ZFP28: variants seen among roughly 807,000 people sequenced by gnomAD.
ZFP28 encodes ZFP28 zinc finger protein.
Under a neutral mutation model 39.5 loss-of-function variants are expected in ZFP28, and 31 were observed. The ratio of observed to expected loss-of-function variants is 0.79; its 90% CI spans 0.59 to 1.06. The LOEUF is 1.06. Among genes scored for constraint, ZFP28 ranks in the 50% least tolerant of loss-of-function variants. The pLI is 0.00. For synonymous variants in ZFP28, 400 were observed against 378.6 expected, an observed-to-expected ratio of 1.06 and a Z score of -0.66; for missense variants, 925 against 1,048.4, an observed-to-expected ratio of 0.88 and a Z score of 1.63.
Position 56,550,546 on chromosome 19 carries a change from T to C in ZFP28, c.839T>C (p.Leu280Pro), listed in dbSNP as rs759823881. The C allele has an allele frequency of 3.5e-5, 56 of 1,614,006 alleles. No homozygotes were observed. Among genetic ancestry groups the C allele is most frequent in the East Asian group, 1.1e-4 (5 of 44,898 alleles). ...CVAKPDLVSL[L>P]EQEKEPWMVK... ...GCTAAGCCAGATTTAGTCTCTTTAC[T>C]AGAGCAAGAGAAGGAGCCCTGGATG... The change falls in exon 7 of 8, where the codon CTA becomes CCA. Residue 280 changes from leucine to proline, a missense_variant. Leu to Pro is a moderately conservative substitution (Grantham distance 98). Transcript: ENST00000301318.
At chr19:56,539,407 G>T (rs2044173661) in intron 1 of ZFP28, among the ~76,000 whole-genome samples, 181 bp downstream of exon 1, 1 of 152,186 alleles carries the variant, frequency 6.6e-6, no homozygotes, top group South Asian at 2.1e-4. Flanking sequence ...GCAGCAAGCC[G>T]CGGTAAAAGG....
intron 7 of ZFP28, chr19:56,551,135 T>C: frequency 2.0e-6 from 2 of 1,010,476 alleles, no homozygotes; most frequent in Non-Finnish European, 1.2e-6. Flanking sequence ...GAATTTCAAA[T>C]AGGGCATTAT....
chr19:56,549,872 T>A (rs1251412372), intron 5 of ZFP28, among the ~76,000 whole-genome samples, 195 bp from the exon 6 acceptor site: 1 of 152,224 alleles, frequency 6.6e-6, no homozygotes, highest in Non-Finnish European at 1.5e-5. Context: ...AAGTTTCTCC[T>A]ATTTTTCTGT....
Position 56,555,028 on chromosome 19 carries a change from G to A in ZFP28, c.2243G>A (p.Arg748His), listed in dbSNP as rs139300625. The A allele has an allele frequency of 2.4e-5, 39 of 1,613,956 alleles. No homozygotes were observed. Among genetic ancestry groups the A allele is most frequent in the African/African-American group, 4.0e-5 (3 of 74,914 alleles). The stretch of plus-strand genomic sequence containing the variant: ...ACAAAATCCTCCCTTATTTGTCATC[G>A]CAGAAGTCATACTGGAGAAAAACCT... ...FKTKSSLICHRRSHTGEKPYE... is the reference protein window; with the variant it reads ...FKTKSSLICHHRSHTGEKPYE... Residue 748 changes from arginine (R) to histidine (H), a missense_variant, in exon 8 of 8, where the codon CGC becomes CAC. Transcript: ENST00000301318.
rs2044172042 is a variant in ZFP28, at chr19:56,539,285, A to G, written c.208+59A>G. The G allele has an allele frequency of 2.7e-6, 4 of 1,498,976 alleles. No individual in the cohort carries two copies. In the Admixed American group the frequency reaches 8.2e-5, roughly 31 times the overall value. The allele number at this position is 1,498,976 out of a possible 1,614,324, so 92.9% of individuals were successfully genotyped here. On this transcript the variant is annotated intron_variant, in intron 1 of 7. Coordinates refer to ENST00000301318, the MANE Select transcript of ZFP28 (RefSeq NM_020828.2). ...AGGGACGAATTCATCTCGGGATGAG[A>G]TCTGGGAGGGGGTTGGGCTCTCGGG...
Position 56,549,973 on chromosome 19 carries a change from G to GTGGACATA in ZFP28, c.688-94_688-93insTGGACATA, listed in dbSNP as rs2044280930. The GTGGACATA allele has an allele frequency of 3.4e-6, 3 of 885,900 alleles. No homozygotes were observed. In the East Asian group the frequency reaches 8.0e-5, roughly 24 times the overall value. 54.9% of individuals were successfully genotyped at this position (885,900 alleles called of 1,614,324 possible). A position where few individuals can be genotyped will look rare whatever the true frequency, so the allele number is the denominator to read the frequency against. On this transcript the variant is annotated intron_variant, in intron 5 of 7. Transcript: ENST00000301318. ...TAAGTTGCAGTTCTTGGTATGGAGT[G>GTGGACATA]CCTTTTTTGCAGTGTGGACACAGTC...
At chr19:56,541,641 T>A (rs2044195988) in intron 2 of ZFP28, among the ~76,000 whole-genome samples, 1 of 152,080 alleles carries the variant, frequency 6.6e-6, no homozygotes, top group Non-Finnish European at 1.5e-5. Flanking sequence ...TTCTGAAAAA[T>A]CGCCTTCTCA....
chr19:56,554,188 G>T lies in ZFP28; in HGVS notation c.1403G>T (p.Arg468Ile), dbSNP rs761976683. The T allele has an allele frequency of 2.5e-6, 4 of 1,614,168 alleles. No individual in the cohort carries two copies. Among genetic ancestry groups the T allele is most frequent in the Admixed American group, 3.3e-5 (2 of 60,022 alleles). ...SDGSSFARHQ[R>I]CHTGKKPYEC... ...GGCTCATCCTTTGCCCGACACCAGA[G>T]ATGTCACACTGGCAAGAAGCCCTAT... is the stretch of plus-strand genomic sequence containing the variant. Residue 468 changes from arginine to isoleucine, a missense_variant, in exon 8 of 8, where the codon AGA becomes ATA. By Grantham distance (97) the Arg-to-Ile change is moderately conservative. This residue lies in a region of ZFP28 where 369 missense variants were observed against 505.5 expected (regional missense o/e 0.73). Transcript: ENST00000301318. The surrounding 1 kb of genome is among the most constrained non-coding windows in gnomAD (Gnocchi z 6.7).
chr19:56,554,519 A>T lies in ZFP28; in HGVS notation c.1734A>T (p.Gln578His). 6.2e-7 allele frequency: 1 copy of T among 1,614,242 alleles called. No individual in the cohort carries two copies. Among genetic ancestry groups the T allele is most frequent in the Non-Finnish European group, 8.5e-7 (1 of 1,180,042 alleles). Residue 578 changes from glutamine (Q) to histidine (H), a missense_variant, in exon 8 of 8, where the codon CAA becomes CAT. Gln to His is a conservative substitution (Grantham distance 24). Around this residue, in one of 2 missense-constraint regions of ZFP28, gnomAD observed 369 missense variants for 505.5 expected, o/e 0.73. Coordinates refer to ENST00000301318, the MANE Select transcript of ZFP28 (RefSeq NM_020828.2). This position sits in a 1 kb window ranked among gnomAD's most constrained non-coding sequence, Gnocchi z 6.7. ...TCAGCCATCATGCATCACTCACTCAACATCAAAGAGTACATTCTGGAGAAA... is the reference window on the plus strand; with the variant it reads ...TCAGCCATCATGCATCACTCACTCATCATCAAAGAGTACATTCTGGAGAAA... ...KAFSHHASLT[Q>H]HQRVHSGEKP...
intron 2 of ZFP28, among the ~76,000 whole-genome samples, chr19:56,541,545 A>G (rs2147948186): frequency 6.6e-6 from 1 of 152,198 alleles, no homozygotes; most frequent in East Asian, 1.9e-4. Flanking sequence ...GTTTCTCTGA[A>G]TAAAAGCCAA....
chr19:56,550,647 G>C (rs753447140), intron 7 of ZFP28, 42 bp downstream of exon 7: 1 of 1,611,466 alleles, frequency 6.2e-7, no homozygotes, highest in South Asian at 1.1e-5. Flanking sequence ...TACTGCAAGA[G>C]AGAGCGGAGC....
At position 56,549,215 on chromosome 19, in the gene ZFP28, G is replaced by A. The variant is rs942499956; in HGVS notation, c.687+94G>A. ...GACCATGACTACAACAACTATAAGA[G>A]AAGTTTTCATTTGAATACAATGCTT... is the stretch of plus-strand genomic sequence containing the variant. On this transcript the variant is annotated intron_variant, in intron 5 of 7. Coordinates refer to ENST00000301318, the MANE Select transcript of ZFP28 (RefSeq NM_020828.2). The A allele has an allele frequency of 7.8e-6, 11 of 1,418,974 alleles. No homozygotes were observed. The African/African-American group carries it at 1.0e-4, about 13-fold the overall frequency. 87.9% of individuals were successfully genotyped at this position (1,418,974 alleles called of 1,614,324 possible).
rs2044350679 is a variant in ZFP28 at position 56,556,327 on chromosome 19, G to A, written c.*935G>A. ...ATTGTGCTGCTTCCAGGCTGTAGCA[G>A]CAGAGTTGAGCAGTTGTGACAGGAG... On this transcript the variant is annotated 3_prime_UTR_variant, in exon 8 of 8. Transcript: ENST00000301318. The A allele has an allele frequency of 6.6e-6, 1 of 152,234 alleles. No homozygotes were observed. The highest frequency in any genetic ancestry group is 2.1e-4 in the South Asian group (1 of 4,828). The allele number at this position is 152,234 out of a possible 1,614,324, so 9.4% of individuals were successfully genotyped here.
chr19:56,549,241 CT>C, intron 5 of ZFP28, 120 bp downstream of exon 5: 3 of 1,124,914 alleles, frequency 2.7e-6, no homozygotes, highest in Non-Finnish European at 3.7e-6. Context: ...TACAATGCTT[CT>C]TATAGACAGA....
intron 2 of ZFP28, among the ~76,000 whole-genome samples, chr19:56,540,275 C>T (rs925544884): frequency 7.2e-5 from 11 of 152,120 alleles, no homozygotes; most frequent in African/African-American, 2.7e-4. Context: ...TTGAGCCTTG[C>T]CTTGAAGGGA....
intron 5 of ZFP28, among the ~76,000 whole-genome samples, chr19:56,549,537 C>T (rs985063687): frequency 2.0e-5 from 3 of 152,020 alleles, no homozygotes; most frequent in Non-Finnish European, 4.4e-5. Context: ...ATTAGCCGGG[C>T]GTGCTGGCGG....
intron 7 of ZFP28, chr19:56,551,870 T>C: frequency 1.0e-6 from 1 of 982,228 alleles, no homozygotes; most frequent in Non-Finnish European, 1.2e-6. Context: ...GACTGCTATG[T>C]ATATAAGCAT....
In ZFP28 at chr19:56,554,557, G is replaced by C; in HGVS notation, c.1772G>C (p.Cys591Ser). Reference sequence around the variant, plus strand: ...CATTCTGGAGAAAAGCCTTTTAAGTGTAAAGAGTGCGGAAAAGCTTTTAGG... The same window carrying C: ...CATTCTGGAGAAAAGCCTTTTAAGTCTAAAGAGTGCGGAAAAGCTTTTAGG... ...RVHSGEKPFK[C>S]KECGKAFRQN... The change falls in exon 8 of 8, where the codon TGT (cysteine) becomes TCT (serine). Residue 591 changes from cysteine (C) to serine (S), a missense_variant. Cys to Ser is a moderately radical substitution (Grantham distance 112, BLOSUM62 -1). This residue lies in a region of ZFP28 where 369 missense variants were observed against 505.5 expected (regional missense o/e 0.73). Transcript: ENST00000301318. This position sits in a 1 kb window ranked among gnomAD's most constrained non-coding sequence, Gnocchi z 6.7. 6.2e-7 allele frequency: 1 copy of C among 1,614,174 alleles called. No individual in the cohort carries two copies. Among genetic ancestry groups the C allele is most frequent in the Non-Finnish European group, 8.5e-7 (1 of 1,180,036 alleles).
At chr19:56,536,950 G>A (rs893153516), upstream of ZFP28, among the ~76,000 whole-genome samples, 6 of 151,112 alleles carry the variant, frequency 4.0e-5, no homozygotes, top group African/African-American at 1.5e-4. Context: ...GAGGTCTGGG[G>A]GCTCCTTGCT....
Sources: allele counts gnomAD v4.1 joint callset (sites outside exome capture counted in the v4.1 genomes callset), GRCh38; gene constraint gnomAD v4.1.1; regional missense constraint gnomAD v4.1.1; non-coding constraint Gnocchi (gnomAD v3.1); transcripts MANE v1.5; gene names NCBI Gene and HGNC (gene_info 2026-07-23, HGNC 2026-07-21).